The following IDH3G variants were observed in gnomAD, a reference collection of about 807,000 sequenced individuals.
The protein encoded by IDH3G is isocitrate dehydrogenase (NAD(+)) 3 non-catalytic subunit gamma, also known as isocitrate dehydrogenase [NAD] subunit gamma, mitochondrial.
Under a neutral mutation model 26.9 loss-of-function variants are expected in IDH3G, and 9 were observed. The ratio of observed to expected loss-of-function variants is 0.34; its 90% confidence interval spans 0.20 to 0.58. The LOEUF (loss-of-function observed/expected upper bound fraction) is 0.58, where lower values mean the gene tolerates loss of function less well. Among genes scored for constraint, IDH3G ranks in the 20% least tolerant of loss-of-function variants. The probability of loss-of-function intolerance (pLI) is 0.85; values close to 1 mark genes in which losing one functional copy is unlikely to be tolerated. For synonymous variants in IDH3G, 181 were observed against 160.0 expected (o/e 1.13, Z -0.99); for missense variants, 250 against 372.8 (o/e 0.67, Z 2.71).
intron 2 of IDH3G, 93 bp from the exon 3 acceptor site, chrX:153,790,668 G>A: frequency 9.2e-7 from 1 of 1,087,169 alleles, no homozygotes. Flanking sequence ...CCAGGGGGAT[G>A]CTGGCTAGTA....
intron 8 of IDH3G, 80 bp downstream of exon 8, chrX:153,787,384 A>G: frequency 8.8e-7 from 1 of 1,131,001 alleles, no homozygotes; most frequent in Admixed American, 2.4e-5. Flanking sequence ...GGGCTTTTGG[A>G]CCACAAATCC....
intron 2 of IDH3G, 30 bp downstream of exon 2, chrX:153,790,780 A>G: frequency 8.3e-7 from 1 of 1,201,373 alleles, no homozygotes; most frequent in South Asian, 1.8e-5. Flanking sequence ...ATGGAGAAAG[A>G]CACATGCGTG....
intron 5 of IDH3G, among the ~76,000 whole-genome samples, 146 bp downstream of exon 5, chrX:153,789,558 AAAGAAAGC>A (rs2092101471): frequency 8.9e-6 from 1 of 112,964 alleles, no homozygotes; most frequent in African/African-American, 3.2e-5. Flanking sequence ...AGAACGCAAG[AAAGAAAGC>A]AAGAAAGCAA....
intron 2 of IDH3G, 107 bp downstream of exon 2, chrX:153,790,703 G>C (rs1008499868): frequency 9.5e-7 from 1 of 1,055,550 alleles, no homozygotes; most frequent in Non-Finnish European, 1.3e-6. Context: ...GGGGTGGGTA[G>C]CCCCTGGAGA....
intron 1 of IDH3G, 101 bp downstream of exon 1, chrX:153,794,145 T>G: frequency 1.1e-6 from 1 of 927,404 alleles, no homozygotes; most frequent in Non-Finnish European, 1.4e-6. Flanking sequence ...CCGCCCCTGG[T>G]GGGGCCCCTA....
At position 153,790,593 on chromosome X, in the gene IDH3G, G is replaced by A; in HGVS notation, c.124-18C>T. ...GTTTGTTCCTAGAAAGGATGAGAAA[G>A]GAAGAAGACACAATCAGCCAAGGTT... On this transcript the variant is annotated intron_variant, in intron 2 of 12. Coordinates refer to ENST00000217901, the MANE Select transcript of IDH3G (RefSeq NM_004135.4). The A allele has an allele frequency of 8.3e-7, 1 of 1,206,801 alleles. No homozygotes were observed. The highest frequency in any genetic ancestry group is 1.1e-6 in the Non-Finnish European group (1 of 891,134).
Position 153,788,113 on chromosome X carries a change from G to A in IDH3G, c.369C>T (p.Asn123=). The part of the protein sequence containing the change: ...ALKGNIETNH[N]LPPSHKSRNN... ...TTCGAGATTTGTGCGACGGTGGCAG[G>A]TTATGGTTGGTTTCGATGTTGCCTA... Residue 123 remains asparagine (N), a synonymous_variant, in exon 6 of 13, where the codon AAC becomes AAT. Transcript: ENST00000217901. 2.5e-6 allele frequency: 3 copies of A among 1,212,063 alleles called. No individual in the cohort carries two copies. The highest frequency in any genetic ancestry group is 3.4e-6 in the Non-Finnish European group (3 of 895,469).
At chrX:153,790,316 TG>T in intron 3 of IDH3G, 24 bp from the exon 4 acceptor site, 1 of 1,161,443 alleles carries the variant, frequency 8.6e-7, no homozygotes, top group Non-Finnish European at 1.2e-6. Flanking sequence ...AGGGTGAAGG[TG>T]GGCCTTCGGG....
intron 2 of IDH3G, 22 bp from the exon 3 acceptor site, chrX:153,790,597 G>A (rs782789740): frequency 5.0e-6 from 6 of 1,205,489 alleles, no homozygotes; most frequent in East Asian, 3.0e-5. Context: ...GAGAAAGGAA[G>A]AAGACACAAT....
At chrX:153,787,765 T>C in intron 7 of IDH3G, 58 bp downstream of exon 7, 1 of 1,173,338 alleles carries the variant, frequency 8.5e-7, no homozygotes. Context: ...CCTGGTTCCT[T>C]AAGCTCTCCC....
At position 153,790,883 on chromosome X, in the gene IDH3G, G is replaced by A. The variant is rs782068159; in HGVS notation, c.82-32C>T. The A allele has an allele frequency of 8.4e-6, 10 of 1,195,243 alleles. No individual in the cohort carries two copies. In the Admixed American group the frequency reaches 1.1e-4, roughly 13 times the overall value. ...GAGACCAAATGCCAGCGGTTGGTTT[G>A]ATGTCTAACCCAGAAAGCCAAGTTG... On this transcript the variant is annotated intron_variant, in intron 1 of 12. Coordinates refer to ENST00000217901, the MANE Select transcript of IDH3G (RefSeq NM_004135.4).
At chrX:153,788,017 C>T (rs2092095995) in intron 6 of IDH3G, 58 bp downstream of exon 6, 4 of 1,205,344 alleles carry the variant, frequency 3.3e-6, no homozygotes, top group Non-Finnish European at 3.4e-6. Context: ...AGCCAGACTC[C>T]ACTGGCTCAC....
At chrX:153,787,670 C>T (rs895425354) in intron 7 of IDH3G, 73 bp from the exon 8 acceptor site, 32 of 1,160,487 alleles carry the variant, frequency 2.8e-5, no homozygotes, top group African/African-American at 1.9e-4. Context: ...CTGGCGCGAC[C>T]GGGCCACCGT....
rs111252346 is a variant in IDH3G, at chrX:153,791,203, C to T, written c.82-352G>A. Reference sequence around the variant, plus strand: ...AACATGCAAAAACTGGCAAACTAACCCTGGTACAGCAGGGAAATCATTACA... The same window carrying T: ...AACATGCAAAAACTGGCAAACTAACTCTGGTACAGCAGGGAAATCATTACA... On this transcript the variant is annotated intron_variant, in intron 1 of 12. Coordinates refer to ENST00000217901, the MANE Select transcript of IDH3G (RefSeq NM_004135.4). The T allele has an allele frequency of 7.8e-3, 1,888 of 240,683 alleles. 40 individuals carry two copies. Among genetic ancestry groups the T allele is most frequent in the African/African-American group, 0.046 (1,650 of 35,699 alleles). The allele number at this position is 240,683 out of a possible 1,213,427, so 19.8% of individuals were successfully genotyped here. A position where few individuals can be genotyped will look rare whatever the true frequency, so the allele number is the denominator to read the frequency against.
chrX:153,794,043 A>G (rs782802475), intron 1 of IDH3G: 7 of 409,595 alleles, frequency 1.7e-5, no homozygotes, highest in Non-Finnish European at 2.8e-5. Context: ...CCCGATGCAG[A>G]CCCCCTGGGG....
At position 153,785,838 on chromosome X, in the gene IDH3G, C is replaced by T. The variant is rs1470984413; in HGVS notation, c.*34G>A. On this transcript the variant is annotated 3_prime_UTR_variant, in exon 13 of 13. Coordinates refer to ENST00000217901, the MANE Select transcript of IDH3G (RefSeq NM_004135.4). The stretch of plus-strand genomic sequence containing the variant: ...GGGGTGCTGGAGTGGGAAGGGGAAT[C>T]CAAGGAGCAAACCAAGAAGGTCCTA... 8.3e-7 allele frequency: 1 copy of T among 1,202,327 alleles called. No individual in the cohort carries two copies. The highest frequency in any genetic ancestry group is 1.1e-6 in the Non-Finnish European group (1 of 889,185).
At chrX:153,791,938 G>A (rs2092110679) in intron 1 of IDH3G, among the ~76,000 whole-genome samples, 1 of 112,337 alleles carries the variant, frequency 8.9e-6, no homozygotes, top group Middle Eastern at 4.6e-3. Context: ...AGGCACGGTC[G>A]GGACTTTTCT....
Position 153,789,800 on chromosome X carries a change from A to C in IDH3G, c.258T>G (p.Phe86Leu). Residue 86 changes from phenylalanine to leucine, a missense_variant, in exon 5 of 13, where the codon TTT becomes TTG. Physicochemically the swap from Phe to Leu is conservative, Grantham distance 22 (BLOSUM62 0). Around this residue, in one of 2 missense-constraint regions of IDH3G, gnomAD observed 201 missense variants for 331.3 expected, o/e 0.61. Coordinates refer to ENST00000217901, the MANE Select transcript of IDH3G (RefSeq NM_004135.4). ...CATTGGAACTCACGTGCACCTCTTC[A>C]AAGTCCACTGGTACACATGCGTGCC... is the stretch of plus-strand genomic sequence containing the variant. ...VFRHACVPVDFEEVHVSSNAD... is the reference protein window; with the variant it reads ...VFRHACVPVDLEEVHVSSNAD... 8.3e-7 allele frequency: 1 copy of C among 1,200,718 alleles called. No homozygotes were observed. The highest frequency in any genetic ancestry group is 1.1e-6 in the Non-Finnish European group (1 of 887,271).
At chrX:153,794,066 G>A in intron 1 of IDH3G, 180 bp downstream of exon 1, 4 of 498,070 alleles carry the variant, frequency 8.0e-6, no homozygotes, top group Non-Finnish European at 1.3e-5. Context: ...GCCGGTCCAG[G>A]GCCAACTTCG....
Sources: allele counts gnomAD v4.1 joint callset (sites outside exome capture counted in the v4.1 genomes callset), GRCh38; gene constraint gnomAD v4.1.1; regional missense constraint gnomAD v4.1.1; transcripts MANE v1.5; gene names NCBI Gene and HGNC (gene_info 2026-07-23, HGNC 2026-07-21).